Variants in PDLIM5 observed in about 807,000 individuals in gnomAD.
PDLIM5 encodes PDZ and LIM domain protein 5.
Under a neutral mutation model 64.2 loss-of-function variants are expected in PDLIM5, and 34 were observed. The observed-to-expected ratio is 0.53, with a 90% CI of 0.40 to 0.71. The LOEUF is 0.71. Ranked by LOEUF, PDLIM5 falls within the 30% of genes least tolerant of loss-of-function variation. The pLI is 0.00. For synonymous variants in PDLIM5, 253 were observed against 269.1 expected (o/e 0.94, Z 0.59); for missense variants, 683 against 733.6 (o/e 0.93, Z 0.80).
chr4:94,639,194 G>A (rs1462564746), intron 8 of PDLIM5, among the ~76,000 whole-genome samples: 1 of 152,132 alleles, frequency 6.6e-6, no homozygotes, highest in Non-Finnish European at 1.5e-5. Context: ...GAAAAAGTGA[G>A]GCAGTTTAGT....
intron 8 of PDLIM5, among the ~76,000 whole-genome samples, chr4:94,632,766 T>C (rs1560753987): frequency 6.6e-6 from 1 of 152,152 alleles, no homozygotes; most frequent in Non-Finnish European, 1.5e-5. Flanking sequence ...AGTGATACTA[T>C]GTGAAAACAA....
chr4:94,582,522 CT>C (rs1735815625), intron 5 of PDLIM5: 1 of 499,578 alleles, frequency 2.0e-6, no homozygotes, highest in Non-Finnish European at 3.5e-6. Context: ...ATTTTTTGGT[CT>C]GTGTTTACAT....
chr4:94,495,875 A>G (rs1229171778), intron 2 of PDLIM5, among the ~76,000 whole-genome samples: 1 of 152,226 alleles, frequency 6.6e-6, no homozygotes, highest in Non-Finnish European at 1.5e-5. Context: ...ACCATGGACC[A>G]GTTGCCAGAG....
chr4:94,594,729 T>G (rs953667798), intron 7 of PDLIM5, among the ~76,000 whole-genome samples: 1 of 152,156 alleles, frequency 6.6e-6, no homozygotes, highest in Non-Finnish European at 1.5e-5. Context: ...CTTTGTAGTT[T>G]CAAATTTTTA....
Position 94,575,903 on chromosome 4 carries a change from A to G in PDLIM5, c.579A>G (p.Ala193=), listed in dbSNP as rs1369633958. The G allele has an allele frequency of 1.2e-6, 2 of 1,614,022 alleles. No homozygotes were observed. The highest frequency in any genetic ancestry group is 2.7e-5 in the African/African-American group (2 of 74,900). ...TTAGTGCTGACCAGTCTCCATCTGC[A>G]CTGAGCGCTGGTAAAACTGCAGTTA... ...ANLSADQSPS[A]LSAGKTAVNV... is the part of the protein sequence containing the mutation. Residue 193 remains alanine (A), a synonymous_variant, in exon 5 of 13, where the codon GCA becomes GCG. Coordinates refer to ENST00000317968, the MANE Select transcript of PDLIM5 (RefSeq NM_006457.5).
chr4:94,569,003 G>A (rs1430869739), intron 3 of PDLIM5, among the ~76,000 whole-genome samples: 1 of 152,036 alleles, frequency 6.6e-6, no homozygotes, highest in Admixed American at 6.6e-5. Flanking sequence ...TTTTTGGCAC[G>A]TTGAGTGAAA....
At chr4:94,574,454 C>T (rs780481802) in intron 4 of PDLIM5, among the ~76,000 whole-genome samples, 4 of 148,140 alleles carry the variant, frequency 2.7e-5, no homozygotes, top group Non-Finnish European at 5.9e-5. Context: ...GCTGAGATCA[C>T]ACCACTGCAC....
intron 7 of PDLIM5, among the ~76,000 whole-genome samples, chr4:94,601,147 A>G (rs1737456041): frequency 6.6e-6 from 1 of 151,522 alleles, no homozygotes; most frequent in Non-Finnish European, 1.5e-5. Context: ...TTAAACAACA[A>G]ACAGTTATTT....
At chr4:94,583,437 A>G (rs1410080952) in intron 5 of PDLIM5, among the ~76,000 whole-genome samples, 1 of 152,216 alleles carries the variant, frequency 6.6e-6, no homozygotes. Flanking sequence ...ATTTAAGAGC[A>G]AACTACACTC....
chr4:94,637,340 C>T (rs1400590816), intron 8 of PDLIM5, among the ~76,000 whole-genome samples: 1 of 152,182 alleles, frequency 6.6e-6, no homozygotes, highest in African/African-American at 2.4e-5. Flanking sequence ...GCAGACAGAT[C>T]ACAAAGTCAG....
At chr4:94,461,792 G>A (rs923771850) in intron 2 of PDLIM5, among the ~76,000 whole-genome samples, 5 of 152,142 alleles carry the variant, frequency 3.3e-5, no homozygotes, top group African/African-American at 1.2e-4. Flanking sequence ...CCTAATAGGC[G>A]TAAATAGAGG....
intron 2 of PDLIM5, among the ~76,000 whole-genome samples, chr4:94,485,774 T>A (rs1298342258): frequency 2.1e-5 from 3 of 144,414 alleles, no homozygotes; most frequent in African/African-American, 7.8e-5. Flanking sequence ...CGCTTGAACC[T>A]GGAAGGCGGA....
chr4:94,533,035 G>A (rs541201300), intron 3 of PDLIM5, among the ~76,000 whole-genome samples: 17 of 152,206 alleles, frequency 1.1e-4, no homozygotes, highest in Admixed American at 2.6e-4. Flanking sequence ...GGACTGTTTC[G>A]TCAACATCAC....
chr4:94,632,009 C>CT (rs1393922994), intron 8 of PDLIM5, among the ~76,000 whole-genome samples: 2 of 152,270 alleles, frequency 1.3e-5, no homozygotes, highest in Admixed American at 1.3e-4. Context: ...GCGCCTCCAA[C>CT]TTTAACATGC....
intron 3 of PDLIM5, among the ~76,000 whole-genome samples, chr4:94,525,523 G>A (rs1300883099): frequency 1.3e-5 from 2 of 152,112 alleles, no homozygotes; most frequent in African/African-American, 2.4e-5. Context: ...CCTAGGAGTC[G>A]TGTTTTGTGA....
At chr4:94,510,821 A>C (rs1728805733) in intron 2 of PDLIM5, among the ~76,000 whole-genome samples, 2 of 152,170 alleles carry the variant, frequency 1.3e-5, no homozygotes, top group African/African-American at 4.8e-5. Context: ...CAGCCTGGCC[A>C]ACATGGTGAA....
chr4:94,628,152 G>A (rs1739851868), intron 8 of PDLIM5, among the ~76,000 whole-genome samples: 1 of 152,094 alleles, frequency 6.6e-6, no homozygotes, highest in Admixed American at 6.6e-5. Flanking sequence ...AGTTATTATT[G>A]CTGTTTTACA....
intron 7 of PDLIM5, among the ~76,000 whole-genome samples, chr4:94,592,999 G>A (rs1366054128): frequency 6.6e-6 from 1 of 152,018 alleles, no homozygotes; most frequent in African/African-American, 2.4e-5. Flanking sequence ...GAATAATTTT[G>A]TCACCTCTGA....
At chr4:94,475,857 T>C (rs1009173912) in intron 2 of PDLIM5, among the ~76,000 whole-genome samples, 3 of 152,202 alleles carry the variant, frequency 2.0e-5, no homozygotes, top group African/African-American at 7.2e-5. Flanking sequence ...ATTTTTTAAC[T>C]AAATTGAACA....
Sources: gnomAD v4.1 joint callset for allele counts (sites outside exome capture counted in the v4.1 genomes callset) on GRCh38, gnomAD v4.1.1 for gene constraint, MANE v1.5 for transcripts, NCBI Gene and HGNC (gene_info 2026-07-23, HGNC 2026-07-21) for gene names.